KIF6: variants seen among roughly 807,000 people sequenced by gnomAD.
KIF6 encodes the protein kinesin-like protein KIF6.
Under a neutral mutation model 112.7 loss-of-function variants are expected in KIF6, and 106 were observed. The observed-to-expected ratio is 0.94, with a 90% confidence interval of 0.80 to 1.11. KIF6 has a LOEUF of 1.11. Ranked by LOEUF, KIF6 falls within the 50% of genes least tolerant of loss-of-function variation. KIF6 has a pLI of 0.00. For synonymous variants in KIF6, 339 were observed against 339.9 expected, an observed-to-expected ratio of 1.00 and a Z score of 0.03; for missense variants, 929 against 964.0, an observed-to-expected ratio of 0.96 and a Z score of 0.48.
chr6:39,674,012 T>A (rs1786990136), intron 3 of KIF6, among the ~76,000 whole-genome samples: 4 of 152,060 alleles, frequency 2.6e-5, no homozygotes, highest in African/African-American at 9.7e-5. Context: ...TACTATTCTT[T>A]TGGGGAAATA....
At chr6:39,522,162 G>T (rs1777435640) in intron 13 of KIF6, among the ~76,000 whole-genome samples, 1 of 152,126 alleles carries the variant, frequency 6.6e-6, no homozygotes, top group African/African-American at 2.4e-5. Context: ...CCCTATCAAG[G>T]GGAGGATGTT....
chr6:39,428,033 T>G (rs1010552958), intron 14 of KIF6, among the ~76,000 whole-genome samples: 1 of 152,236 alleles, frequency 6.6e-6, no homozygotes, highest in African/African-American at 2.4e-5. Context: ...GGTAATTTTT[T>G]TCTAACCTGT....
chr6:39,402,436 C>T (rs560000871), intron 15 of KIF6, among the ~76,000 whole-genome samples: 1 of 152,244 alleles, frequency 6.6e-6, no homozygotes, highest in South Asian at 2.1e-4. Flanking sequence ...TGTGCGGAAC[C>T]TGATGAAATA....
chr6:39,527,306 G>T (rs1201846213), intron 13 of KIF6, among the ~76,000 whole-genome samples: 2 of 152,166 alleles, frequency 1.3e-5, no homozygotes, highest in Non-Finnish European at 2.9e-5. Context: ...AAGACCTGCG[G>T]TGGGCTCCCT....
At chr6:39,518,934 T>G (rs1368890882) in intron 13 of KIF6, among the ~76,000 whole-genome samples, 1 of 152,088 alleles carries the variant, frequency 6.6e-6, no homozygotes, top group Non-Finnish European at 1.5e-5. Flanking sequence ...TAGCCTTGAG[T>G]TGATGCTCAT....
intron 7 of KIF6, among the ~76,000 whole-genome samples, chr6:39,590,771 T>C (rs1277555058): frequency 6.6e-6 from 1 of 152,098 alleles, no homozygotes; most frequent in East Asian, 1.9e-4. Context: ...TTAAATTAAA[T>C]CATGTGTTAG....
chr6:39,688,950 AAGTT>A (rs1178646461), intron 3 of KIF6, among the ~76,000 whole-genome samples: 1 of 152,112 alleles, frequency 6.6e-6, no homozygotes, highest in Non-Finnish European at 1.5e-5. Context: ...GAAAAATAAA[AAGTT>A]AGCCCAGTGT....
At chr6:39,434,169 TA>T (rs1771354458) in intron 13 of KIF6, among the ~76,000 whole-genome samples, 1 of 152,132 alleles carries the variant, frequency 6.6e-6, no homozygotes, top group East Asian at 1.9e-4. Flanking sequence ...AGTATTTATT[TA>T]TATTAGGCAT....
intron 2 of KIF6, among the ~76,000 whole-genome samples, chr6:39,718,818 T>C (rs904840475): frequency 4.7e-5 from 7 of 148,498 alleles, no homozygotes; most frequent in Middle Eastern, 3.3e-3. Flanking sequence ...TGAAAGACAA[T>C]GGGGAGACAT....
rs58810898 is a variant in KIF6, at chr6:39,349,631, C to CTTTTTTTTTTTTTTTTT, written c.2181-3122_2181-3106dup. On this transcript the variant is annotated intron_variant, in intron 19 of 22. Transcript: ENST00000287152. ...GAAGGTCTAGGTTTAATTTGTGGCT[C>CTTTTTTTTTTTTTTTTT]TTTTTTTTTTTTTTTTTTTTTTTTT... is the stretch of plus-strand genomic sequence containing the variant. Among the ~76,000 whole-genome samples the CTTTTTTTTTTTTTTTTT allele has an allele frequency of 5.4e-4, 35 of 64,560 alleles. 8 individuals carry two copies. The highest frequency in any genetic ancestry group is 4.7e-3 in the East Asian group (6 of 1,274). The allele number at this position is 64,560 out of a possible 152,430, so 42.4% of individuals were successfully genotyped here.
At chr6:39,555,953 CAAAAAAAAAAAA>C (rs35420944) in intron 10 of KIF6, among the ~76,000 whole-genome samples, 1 of 77,720 alleles carries the variant, frequency 1.3e-5, no homozygotes. Flanking sequence ...GACGCTGTCT[CAAAAAAAAAAAA>C]AAAAAAAAAG....
At position 39,639,688 on chromosome 6, in the gene KIF6, G is replaced by A. The variant is rs777393728; in HGVS notation, c.321C>T (p.Ile107=). The A allele has an allele frequency of 4.3e-6, 7 of 1,612,074 alleles. No homozygotes were observed. The highest frequency in any genetic ancestry group is 5.9e-6 in the Non-Finnish European group (7 of 1,178,940). The change falls in exon 4 of 23, where the codon ATC becomes ATT. Residue 107 remains isoleucine, a synonymous_variant. Coordinates refer to ENST00000287152, the MANE Select transcript of KIF6 (RefSeq NM_145027.6). ...GQTGSGKTFT[I]TGGAERYSDR... ...CACTGTAACGCTCTGCACCCCCTGTGATAGTGAATGTCTTCCCGCTGCCTG... is the reference window on the plus strand; with the variant it reads ...CACTGTAACGCTCTGCACCCCCTGTAATAGTGAATGTCTTCCCGCTGCCTG...
chr6:39,371,145 T>C (rs1405539365), intron 16 of KIF6, among the ~76,000 whole-genome samples: 1 of 152,156 alleles, frequency 6.6e-6, no homozygotes, highest in Non-Finnish European at 1.5e-5. Context: ...GGAAAAAATG[T>C]ACACGATCAG....
chr6:39,428,826 C>T (rs1770943033), intron 14 of KIF6, among the ~76,000 whole-genome samples: 1 of 152,200 alleles, frequency 6.6e-6, no homozygotes. Flanking sequence ...ATCCATGACT[C>T]CCACCTGCTG....
At chr6:39,349,853 C>T (rs1420985593) in intron 19 of KIF6, among the ~76,000 whole-genome samples, 2 of 151,908 alleles carry the variant, frequency 1.3e-5, no homozygotes, top group South Asian at 2.1e-4. Flanking sequence ...ACCATATTGG[C>T]CAAGGCTGGT....
intron 6 of KIF6, among the ~76,000 whole-genome samples, chr6:39,612,324 T>G (rs532271912): frequency 6.6e-6 from 1 of 152,152 alleles, no homozygotes; most frequent in Non-Finnish European, 1.5e-5. Context: ...AAGGGTGGTT[T>G]AAAAAGAAAA....
chr6:39,710,592 A>T (rs1166254243), intron 3 of KIF6, among the ~76,000 whole-genome samples: 2 of 152,126 alleles, frequency 1.3e-5, no homozygotes, highest in Non-Finnish European at 2.9e-5. Flanking sequence ...AGCAAAAATT[A>T]AAAAATTTAG....
intron 3 of KIF6, among the ~76,000 whole-genome samples, chr6:39,642,607 C>CG (rs1431187807): frequency 1.3e-5 from 2 of 152,134 alleles, no homozygotes; most frequent in East Asian, 3.9e-4. Context: ...GCCCTGTCCT[C>CG]GGGGTGTTTG....
chr6:39,362,138 T>C (rs34765078), intron 17 of KIF6, among the ~76,000 whole-genome samples: 14 of 152,002 alleles, frequency 9.2e-5, no homozygotes, highest in Non-Finnish European at 1.6e-4. Flanking sequence ...ACTTCAGCCA[T>C]AGGCACGCGG....
Sources: allele counts gnomAD v4.1 joint callset (sites outside exome capture counted in the v4.1 genomes callset), GRCh38; gene constraint gnomAD v4.1.1; transcripts MANE v1.5; gene names NCBI Gene and HGNC (gene_info 2026-07-23, HGNC 2026-07-21).